Variants in FSTL4 observed in about 807,000 individuals in gnomAD.
The protein encoded by FSTL4 is follistatin like 4, also known as follistatin-related protein 4.
Under a neutral mutation model 78.2 loss-of-function variants are expected in FSTL4, and 28 were observed. The observed-to-expected ratio is 0.36, with a 90% CI of 0.27 to 0.49. FSTL4 has a LOEUF of 0.49. Among genes scored for constraint, FSTL4 ranks in the 20% least tolerant of loss-of-function variants. The pLI is 0.98. For missense variants in FSTL4, 922 were observed against 1,084.9 expected, an observed-to-expected ratio of 0.85 and a Z score of 2.11; for synonymous variants, 422 against 440.5, an observed-to-expected ratio of 0.96 and a Z score of 0.53.
intron 7 of FSTL4, among the ~76,000 whole-genome samples, chr5:133,234,752 G>C (rs934714699): frequency 1.3e-5 from 2 of 152,224 alleles, no homozygotes; most frequent in Non-Finnish European, 2.9e-5. Context: ...AATGTACCCA[G>C]TCTCTCTGGG....
the FSTL4 span, among the ~76,000 whole-genome samples, chr5:133,664,631 A>G: frequency 1.3e-5 from 2 of 151,938 alleles, no homozygotes; most frequent in African/African-American, 4.8e-5. Flanking sequence ...CCTGGCCCAG[A>G]CTCTCCAATG....
intron 3 of FSTL4, among the ~76,000 whole-genome samples, chr5:133,476,873 T>C (rs1004936629): frequency 2.0e-5 from 3 of 152,154 alleles, no homozygotes; most frequent in Non-Finnish European, 4.4e-5. Flanking sequence ...GGATCCTTCT[T>C]CACCTGAAGA....
At chr5:133,255,745 C>G (rs1236413540) in intron 6 of FSTL4, among the ~76,000 whole-genome samples, 1 of 152,218 alleles carries the variant, frequency 6.6e-6, no homozygotes, top group African/African-American at 2.4e-5. Context: ...AGAGAAGAGG[C>G]AGTCACAGGG....
chr5:133,373,067 A>G (rs1185226903), intron 4 of FSTL4, among the ~76,000 whole-genome samples: 1 of 152,210 alleles, frequency 6.6e-6, no homozygotes, highest in African/African-American at 2.4e-5. Context: ...CAGAAGAGAC[A>G]TGAGAGAGGA....
chr5:133,661,220 C>T, the FSTL4 span, among the ~76,000 whole-genome samples: 39 of 152,292 alleles, frequency 2.6e-4, no homozygotes, highest in Admixed American at 8.5e-4. Context: ...GAACTCCTGA[C>T]CACAGGTGAT....
intron 7 of FSTL4, among the ~76,000 whole-genome samples, chr5:133,241,007 C>T (rs905396321): frequency 3.9e-5 from 6 of 152,092 alleles, no homozygotes; most frequent in Non-Finnish European, 1.5e-5. Flanking sequence ...GAGAGGGCAG[C>T]CATGTGGGCA....
At chr5:133,830,765 C>T in the FSTL4 span, among the ~76,000 whole-genome samples, 2 of 152,182 alleles carry the variant, frequency 1.3e-5, no homozygotes, top group East Asian at 1.9e-4. Flanking sequence ...TAGGTGAACA[C>T]CCCAGACTCC....
intron 8 of FSTL4, among the ~76,000 whole-genome samples, chr5:133,230,375 A>G (rs1322156972): frequency 3.9e-5 from 6 of 152,218 alleles, no homozygotes; most frequent in Non-Finnish European, 8.8e-5. Context: ...TCCCAGACCA[A>G]TTCAGGGCTA....
chr5:133,633,440 C>A, the FSTL4 span, among the ~76,000 whole-genome samples: 1 of 152,094 alleles, frequency 6.6e-6, no homozygotes, highest in Non-Finnish European at 1.5e-5. Context: ...GTTCCTGTAT[C>A]TTTCAGCTTT....
intron 3 of FSTL4, among the ~76,000 whole-genome samples, chr5:133,459,456 A>G (rs375446866): frequency 1.3e-5 from 2 of 152,228 alleles, no homozygotes; most frequent in South Asian, 2.1e-4. Context: ...CCAGGTTAAA[A>G]AAAACCCACT....
intron 4 of FSTL4, among the ~76,000 whole-genome samples, chr5:133,385,089 G>A (rs940011833): frequency 1.3e-5 from 2 of 152,122 alleles, no homozygotes; most frequent in African/African-American, 4.8e-5. Flanking sequence ...ATAGGCAGGG[G>A]GTGTGTGTCC....
chr5:133,337,782 T>C (rs1380981347), intron 4 of FSTL4, among the ~76,000 whole-genome samples: 2 of 152,192 alleles, frequency 1.3e-5, no homozygotes. Flanking sequence ...CTAAGGCTAG[T>C]TGTCCCCTCC....
At position 133,293,424 on chromosome 5, in the gene FSTL4, T is replaced by C. The variant is rs889400600; in HGVS notation, c.727+19230A>G. ...ACCCTCCATGCTTCCCTGGCTTCCT[T>C]GACATGCCCAAACTCTGTGGCCTGC... On this transcript the variant is annotated intron_variant, in intron 6 of 15. Transcript: ENST00000265342. Among the ~76,000 whole-genome samples the C allele has an allele frequency of 1.1e-3, 171 of 152,208 alleles. 1 individual carries two copies. Among genetic ancestry groups the C allele is most frequent in the Non-Finnish European group, 3.2e-4 (22 of 68,026 alleles).
chr5:133,701,171 G>A, the FSTL4 span, among the ~76,000 whole-genome samples: 12 of 152,166 alleles, frequency 7.9e-5, no homozygotes, highest in Non-Finnish European at 1.8e-4. Context: ...GGGAGGCCAA[G>A]GCAGGCAGAT....
At chr5:133,321,328 T>A (rs1754045238) in intron 4 of FSTL4, among the ~76,000 whole-genome samples, 1 of 152,226 alleles carries the variant, frequency 6.6e-6, no homozygotes, top group South Asian at 2.1e-4. Context: ...CTTACCTTCA[T>A]CACTCTCCGT....
chr5:133,669,666 C>T, the FSTL4 span, among the ~76,000 whole-genome samples: 2 of 152,154 alleles, frequency 1.3e-5, no homozygotes, highest in Non-Finnish European at 2.9e-5. Flanking sequence ...CTCAAATATC[C>T]ACCCTCACAC....
chr5:133,461,811 A>G (rs187998824), intron 3 of FSTL4, among the ~76,000 whole-genome samples: 13 of 152,330 alleles, frequency 8.5e-5, no homozygotes, highest in Non-Finnish European at 1.6e-4. Flanking sequence ...TCTTCATTTG[A>G]GAACTTTACT....
the FSTL4 span, among the ~76,000 whole-genome samples, chr5:133,705,433 A>G: frequency 2.0e-5 from 3 of 152,022 alleles, no homozygotes; most frequent in East Asian, 5.8e-4. Context: ...GGCTCCACAC[A>G]CCTCCTTCTG....
intron 4 of FSTL4, among the ~76,000 whole-genome samples, chr5:133,372,269 G>GTATGTATGTATGTATGTATC (rs143392836): frequency 7.8e-4 from 112 of 143,034 alleles, no homozygotes; most frequent in Non-Finnish European, 1.2e-3. Flanking sequence ...ATGTATGTAT[G>GTATGTATGTATGTATGTATC]TATCTATCTA....
Sources: gnomAD v4.1 joint callset for allele counts (sites outside exome capture counted in the v4.1 genomes callset) on GRCh38, gnomAD v4.1.1 for gene constraint, MANE v1.5 for transcripts, NCBI Gene and HGNC (gene_info 2026-07-23, HGNC 2026-07-21) for gene names.